Variants in TPPP observed in about 807,000 individuals in gnomAD.
The protein encoded by TPPP is tubulin polymerization-promoting protein.
Under a neutral mutation model 15.5 loss-of-function variants are expected in TPPP, and 6 were observed. The ratio of observed to expected loss-of-function variants is 0.39; its 90% CI spans 0.21 to 0.77. The LOEUF (loss-of-function observed/expected upper bound fraction) is 0.77. TPPP is among the 30% of genes least tolerant of loss of function. TPPP has a pLI of 0.42. For synonymous variants in TPPP, 146 were observed against 133.9 expected (o/e 1.09, Z -0.63); for missense variants, 269 against 307.2 (o/e 0.88, Z 0.93).
At chr5:687,267 A>G (rs1740791200) in intron 1 of TPPP, among the ~76,000 whole-genome samples, 2 of 139,546 alleles carry the variant, frequency 1.4e-5, no homozygotes, top group African/African-American at 5.4e-5. Context: ...GGACTGTGTC[A>G]ATTGTCAGAA....
intron 1 of TPPP, among the ~76,000 whole-genome samples, chr5:682,971 G>A (rs1257502488): frequency 1.3e-5 from 2 of 151,980 alleles, no homozygotes; most frequent in Admixed American, 6.5e-5. Context: ...GCCAGCCCTC[G>A]GCCCTGCTCA....
chr5:676,295 G>A (rs1315784286), intron 2 of TPPP: 1 of 152,326 alleles, frequency 6.6e-6, no homozygotes, highest in Non-Finnish European at 1.5e-5. Flanking sequence ...AAGACCCAGG[G>A]GATGTGTGAC....
Position 663,087 on chromosome 5 carries a change from T to TGGGC in TPPP, c.*2014_*2015insGCCC, listed in dbSNP as rs1420651669. The TGGGC allele has an allele frequency of 6.6e-6, 1 of 150,862 alleles. No homozygotes were observed. The highest frequency in any genetic ancestry group is 1.9e-4 in the East Asian group (1 of 5,282). The allele number at this position is 150,862 out of a possible 1,614,324, so 9.3% of individuals were successfully genotyped here. On this transcript the variant is annotated 3_prime_UTR_variant, in exon 4 of 4. Coordinates refer to ENST00000360578, the MANE Select transcript of TPPP (RefSeq NM_007030.3). ...GGTGATTCCGATGACTGCTTGTCTG[T>TGGGC]GATTGGGCGATTCCGGTGGCCGCTC...
At chr5:685,647 G>C (rs1253961436) in intron 1 of TPPP, among the ~76,000 whole-genome samples, 1 of 152,214 alleles carries the variant, frequency 6.6e-6, no homozygotes, top group African/African-American at 2.4e-5. Flanking sequence ...GAGCTTCTCG[G>C]GTCAACAGGG....
At chr5:687,720 G>T (rs1269656939) in intron 1 of TPPP, among the ~76,000 whole-genome samples, 1 of 114,446 alleles carries the variant, frequency 8.7e-6, no homozygotes, top group African/African-American at 2.9e-5. Flanking sequence ...TTCTTAGAAG[G>T]CACCAGATTA....
At position 661,874 on chromosome 5, in the gene TPPP, T is replaced by C. The variant is rs1405895421; in HGVS notation, c.*3228A>G. On this transcript the variant is annotated 3_prime_UTR_variant, in exon 4 of 4. Coordinates refer to ENST00000360578, the MANE Select transcript of TPPP (RefSeq NM_007030.3). ...GAGTGGAGAAGGGTGCTCTCCTGGC[T>C]CCCGCATGTCTGAGAAAAGCCTGAG... The C allele has an allele frequency of 1.4e-4, 22 of 152,330 alleles. No homozygotes were observed. Among genetic ancestry groups the C allele is most frequent in the Admixed American group, 1.4e-3 (22 of 15,276 alleles). 9.4% of individuals were successfully genotyped at this position (152,330 alleles called of 1,614,324 possible).
chr5:667,673 A>T (rs1739977772), intron 2 of TPPP, among the ~76,000 whole-genome samples: 2 of 151,916 alleles, frequency 1.3e-5, no homozygotes, highest in South Asian at 4.1e-4. Context: ...TCTCTGAGAT[A>T]CACAAAGGAA....
chr5:699,311 T>TA, the TPPP span, among the ~76,000 whole-genome samples: 1 of 152,038 alleles, frequency 6.6e-6, no homozygotes, highest in Non-Finnish European at 1.5e-5. Context: ...TGGAACAGAA[T>TA]AGAGGACTCA....
At chr5:693,948 C>T (rs1191139774), upstream of TPPP, among the ~76,000 whole-genome samples, 6 of 148,822 alleles carry the variant, frequency 4.0e-5, no homozygotes, top group African/African-American at 4.9e-5. Flanking sequence ...GGCCGGGGAT[C>T]GACCTGAGCA....
rs1739565696 is a variant in TPPP at position 660,930 on chromosome 5, G to A, written c.*4172C>T. 1 of 152,248 alleles carries A rather than the reference G, an allele frequency of 6.6e-6. No individual in the cohort carries two copies. The highest frequency in any genetic ancestry group is 2.4e-5 in the African/African-American group (1 of 41,432). The allele number at this position is 152,248 out of a possible 1,614,324, so 9.4% of individuals were successfully genotyped here. A position where few individuals can be genotyped will look rare whatever the true frequency, so the allele number is the denominator to read the frequency against. ...TGATGCCAGCCCAACTCCACCATCTGCGCCCAAACTTGGACAGGATATTAG... is the reference window on the plus strand; with the variant it reads ...TGATGCCAGCCCAACTCCACCATCTACGCCCAAACTTGGACAGGATATTAG... On this transcript the variant is annotated 3_prime_UTR_variant, in exon 4 of 4. Coordinates refer to ENST00000360578, the MANE Select transcript of TPPP (RefSeq NM_007030.3).
chr5:698,605 T>C, the TPPP span, among the ~76,000 whole-genome samples: 1 of 151,884 alleles, frequency 6.6e-6, no homozygotes, highest in Non-Finnish European at 1.5e-5. Context: ...GGGTTTCCCC[T>C]TATAAAACCA....
At chr5:666,628 C>T (rs895195475) in intron 2 of TPPP, among the ~76,000 whole-genome samples, 1 of 151,428 alleles carries the variant, frequency 6.6e-6, no homozygotes, top group Non-Finnish European at 1.5e-5. Flanking sequence ...GCTCCAAAAC[C>T]CGCCAGGCGG....
intron 2 of TPPP, among the ~76,000 whole-genome samples, chr5:672,788 C>T (rs1485115816): frequency 6.6e-6 from 1 of 152,252 alleles, no homozygotes. Flanking sequence ...TTAAAGCTGC[C>T]ACCGCACGCT....
At chr5:670,437 T>C (rs1205261552) in intron 2 of TPPP, among the ~76,000 whole-genome samples, 3 of 152,116 alleles carry the variant, frequency 2.0e-5, no homozygotes, top group Non-Finnish European at 2.9e-5. Flanking sequence ...AGCCTCTCCC[T>C]GTACTTAGGC....
At chr5:668,358 C>T (rs1292661994) in intron 2 of TPPP, among the ~76,000 whole-genome samples, 3 of 110,850 alleles carry the variant, frequency 2.7e-5, no homozygotes, top group African/African-American at 1.3e-4. Flanking sequence ...TGCGGACAAG[C>T]ACACTGGAGA....
intron 2 of TPPP, chr5:675,907 T>C (rs1191213155): frequency 6.6e-6 from 1 of 152,170 alleles, no homozygotes; most frequent in Non-Finnish European, 1.5e-5. Flanking sequence ...ATGAGGACAC[T>C]GAGGCTGGGA....
Position 664,942 on chromosome 5 carries a change from A to G in TPPP, c.*160T>C. On this transcript the variant is annotated 3_prime_UTR_variant, in exon 4 of 4. Transcript: ENST00000360578. ...GGGAGTGCTGGGGGCATCCGGTAGGAGGAGGGGCAGGAGGGAGGCCTGGGC... is the reference window on the plus strand; with the variant it reads ...GGGAGTGCTGGGGGCATCCGGTAGGGGGAGGGGCAGGAGGGAGGCCTGGGC... 2 of 759,966 alleles carry G rather than the reference A, an allele frequency of 2.6e-6. No homozygotes were observed. Among genetic ancestry groups the G allele is most frequent in the Non-Finnish European group, 4.2e-6 (2 of 478,912 alleles). 47.1% of individuals were successfully genotyped at this position (759,966 alleles called of 1,614,324 possible).
At chr5:679,124 C>T (rs1579191811) in intron 1 of TPPP, among the ~76,000 whole-genome samples, 1 of 152,290 alleles carries the variant, frequency 6.6e-6, no homozygotes, top group Middle Eastern at 3.4e-3. Context: ...CTGGGACTCA[C>T]GAAGCCCTCT....
In TPPP at chr5:687,110, G is replaced by A. The variant is rs777157629; in HGVS notation, c.-5+6168C>T. 3.5e-4 allele frequency among the ~76,000 whole-genome samples: 45 copies of A among 128,906 alleles called. 1 individual carries two copies. The highest frequency in any genetic ancestry group is 3.9e-3 in the Middle Eastern group (1 of 258). The allele number at this position is 128,906 out of a possible 152,430, so 84.6% of individuals were successfully genotyped here. ...CGGGGCTGCAGTGACGCAGCCACACGCCCAGGACAACTGGAGCCACCAGAA... is the reference window on the plus strand; with the variant it reads ...CGGGGCTGCAGTGACGCAGCCACACACCCAGGACAACTGGAGCCACCAGAA... On this transcript the variant is annotated intron_variant, in intron 1 of 3. Coordinates refer to ENST00000360578, the MANE Select transcript of TPPP (RefSeq NM_007030.3).
Sources: allele counts gnomAD v4.1 joint callset (sites outside exome capture counted in the v4.1 genomes callset), GRCh38; gene constraint gnomAD v4.1.1; transcripts MANE v1.5; gene names NCBI Gene and HGNC (gene_info 2026-07-23, HGNC 2026-07-21).